Variants in NPAS2 observed in about 807,000 individuals in gnomAD.
NPAS2 encodes the protein neuronal PAS domain protein 2, also known as neuronal PAS domain-containing protein 2.
Under a neutral mutation model 107.5 loss-of-function variants are expected in NPAS2, and 23 were observed. That is an observed-to-expected ratio of 0.21 (90% confidence interval 0.15 to 0.30). NPAS2 has a LOEUF of 0.30. NPAS2 is among the 10% of genes least tolerant of loss of function. The pLI is 1.00. For missense variants in NPAS2, 756 were observed against 1,043.3 expected, an observed-to-expected ratio of 0.72 and a Z score of 3.79; for synonymous variants, 403 against 417.5, an observed-to-expected ratio of 0.97 and a Z score of 0.42.
In NPAS2 at chr2:100,951,633, T is replaced by C. The variant is rs186350518; in HGVS notation, c.598+2153T>C. Among the ~76,000 whole-genome samples the C allele has an allele frequency of 3.3e-4, 50 of 152,136 alleles. No individual in the cohort carries two copies. In the East Asian group the frequency reaches 3.3e-3, roughly 10 times the overall value. On this transcript the variant is annotated intron_variant, in intron 7 of 20. Transcript: ENST00000335681. ...CTTACATGAGGTACCATAGCCAAAT[T>C]CATAGAAACAGAAAGTAGAATGGTG...
upstream of NPAS2, among the ~76,000 whole-genome samples, chr2:100,818,978 G>GTT (rs1553437307): frequency 6.6e-6 from 1 of 152,140 alleles, no homozygotes; most frequent in Non-Finnish European, 1.5e-5. Flanking sequence ...CTCTGTCTTG[G>GTT]AGCCCCGAAG....
intron 5 of NPAS2, among the ~76,000 whole-genome samples, chr2:100,942,357 C>T (rs1038592929): frequency 3.9e-5 from 6 of 152,100 alleles, no homozygotes; most frequent in Non-Finnish European, 7.4e-5. Context: ...CAGGAAGCAT[C>T]CCTCTGCCCT....
intron 5 of NPAS2, among the ~76,000 whole-genome samples, chr2:100,944,141 A>C (rs1032367604): frequency 1.3e-5 from 2 of 152,154 alleles, no homozygotes; most frequent in Non-Finnish European, 2.9e-5. Context: ...ATATGCCTCC[A>C]ACTTCCTGGA....
In NPAS2 at chr2:100,990,378, T is replaced by C; in HGVS notation, c.1950T>C (p.Pro650=). The C allele has an allele frequency of 6.2e-7, 1 of 1,614,184 alleles. No individual in the cohort carries two copies. Among genetic ancestry groups the C allele is most frequent in the Non-Finnish European group, 8.5e-7 (1 of 1,180,020 alleles). Residue 650 remains proline (P), a synonymous_variant, in exon 18 of 21, where the codon CCT becomes CCC. Transcript: ENST00000335681. ...CGCCAAGTCTGAATCTGACCACACC[T>C]GCTTCCACCTCCCAGGATGCCAGCC... ...ALPPSLNLTT[P]ASTSQDASQC...
chr2:100,894,149 T>C (rs1186644843), intron 1 of NPAS2, among the ~76,000 whole-genome samples: 1 of 152,226 alleles, frequency 6.6e-6, no homozygotes, highest in Non-Finnish European at 1.5e-5. Flanking sequence ...TAGGTGGCTG[T>C]GAGAAAGAAT....
In NPAS2 at chr2:100,996,165, T is replaced by C; in HGVS notation, c.*583T>C. 1 of 248,690 alleles carries C rather than the reference T, an allele frequency of 4.0e-6. No homozygotes were observed. Among genetic ancestry groups the C allele is most frequent in the Non-Finnish European group, 7.7e-6 (1 of 129,942 alleles). The allele number at this position is 248,690 out of a possible 1,614,324, so 15.4% of individuals were successfully genotyped here. A position where few individuals can be genotyped will look rare whatever the true frequency, so the allele number is the denominator to read the frequency against. On this transcript the variant is annotated 3_prime_UTR_variant, in exon 21 of 21. Transcript: ENST00000335681. ...TCATGGCTTCATTTAGAGACCACAG[T>C]AACAACAGCAGCCCACCAATCAGAG...
At chr2:100,956,463 T>C (rs146189757) in intron 7 of NPAS2, among the ~76,000 whole-genome samples, 1 of 152,312 alleles carries the variant, frequency 6.6e-6, no homozygotes, top group East Asian at 1.9e-4. Flanking sequence ...GTGCATGTGG[T>C]ATTTTGTTTT....
intron 11 of NPAS2, among the ~76,000 whole-genome samples, chr2:100,969,337 C>T (rs900968525): frequency 2.6e-5 from 4 of 152,130 alleles, no homozygotes; most frequent in African/African-American, 9.7e-5. Context: ...TCCTAATGCT[C>T]TCCCTCCACT....
chr2:100,995,937 C>T lies in NPAS2; in HGVS notation c.*355C>T. ...GGTTGCTCTAGCCACCTGCGGCCCG[C>T]CCATCTGCGCTAGCTGGCCTTCACG... On this transcript the variant is annotated 3_prime_UTR_variant, in exon 21 of 21. Transcript: ENST00000335681. 2 of 1,385,394 alleles carry T rather than the reference C, an allele frequency of 1.4e-6. No individual in the cohort carries two copies. Among genetic ancestry groups the T allele is most frequent in the East Asian group, 3.8e-5 (1 of 26,354 alleles). 85.8% of individuals were successfully genotyped at this position (1,385,394 alleles called of 1,614,324 possible).
At chr2:100,918,610 C>G (rs1683032238) in intron 2 of NPAS2, among the ~76,000 whole-genome samples, 1 of 152,140 alleles carries the variant, frequency 6.6e-6, no homozygotes, top group African/African-American at 2.4e-5. Context: ...GATGCTTCCT[C>G]AAAGAGGGTC....
chr2:100,850,585 C>CGT (rs1172376351), intron 1 of NPAS2, among the ~76,000 whole-genome samples: 1 of 152,158 alleles, frequency 6.6e-6, no homozygotes, highest in Non-Finnish European at 1.5e-5. Context: ...GTAAGCAACC[C>CGT]GTGTGTCTGT....
chr2:100,903,043 TTTAG>T (rs1253092418), intron 1 of NPAS2, among the ~76,000 whole-genome samples: 1 of 152,218 alleles, frequency 6.6e-6, no homozygotes, highest in Non-Finnish European at 1.5e-5. Context: ...TTTTTAGATG[TTTAG>T]TTTATGACTC....
At chr2:100,885,963 C>G (rs1373292089) in intron 1 of NPAS2, among the ~76,000 whole-genome samples, 1 of 152,176 alleles carries the variant, frequency 6.6e-6, no homozygotes, top group East Asian at 1.9e-4. Flanking sequence ...ACCCGGCTAG[C>G]CAATTTATTT....
At chr2:100,852,026 G>A (rs1264619518) in intron 1 of NPAS2, among the ~76,000 whole-genome samples, 1 of 152,184 alleles carries the variant, frequency 6.6e-6, no homozygotes, top group Admixed American at 6.5e-5. Context: ...AAATCAGGCA[G>A]CTGGTGTTGT....
chr2:100,935,774 G>A (rs1684261992), intron 4 of NPAS2, among the ~76,000 whole-genome samples: 1 of 152,072 alleles, frequency 6.6e-6, no homozygotes, highest in Non-Finnish European at 1.5e-5. Context: ...ACCTCCTAGA[G>A]GGCTTCATAG....
At position 100,959,103 on chromosome 2, in the gene NPAS2, A is replaced by C. The variant is rs943418125; in HGVS notation, c.599-4955A>C. On this transcript the variant is annotated intron_variant, in intron 7 of 20. Coordinates refer to ENST00000335681, the MANE Select transcript of NPAS2 (RefSeq NM_002518.4). ...CCCCATCTCTTCAAAAAAAAAAAAA[A>C]AAAAAACAAAACTAAAATTAGCCAG... Among the ~76,000 whole-genome samples the C allele has an allele frequency of 8.1e-3, 540 of 66,956 alleles. 6 individuals carry two copies. Among genetic ancestry groups the C allele is most frequent in the African/African-American group, 0.023 (500 of 22,062 alleles). The allele number at this position is 66,956 out of a possible 152,430, so 43.9% of individuals were successfully genotyped here. A position where few individuals can be genotyped will look rare whatever the true frequency, so the allele number is the denominator to read the frequency against.
At chr2:100,845,116 T>C (rs1215891243) in intron 1 of NPAS2, among the ~76,000 whole-genome samples, 2 of 152,098 alleles carry the variant, frequency 1.3e-5, no homozygotes, top group African/African-American at 4.8e-5. Context: ...TAACTAGAAA[T>C]GGGGCCTCCT....
chr2:100,898,959 CTT>C (rs1681600644), intron 1 of NPAS2, among the ~76,000 whole-genome samples: 1 of 152,172 alleles, frequency 6.6e-6, no homozygotes, highest in African/African-American at 2.4e-5. Flanking sequence ...AAGAAGGACA[CTT>C]TATTTCCTGG....
At chr2:100,889,625 G>C (rs372461569) in intron 1 of NPAS2, among the ~76,000 whole-genome samples, 4 of 152,250 alleles carry the variant, frequency 2.6e-5, no homozygotes, top group South Asian at 4.2e-4. Flanking sequence ...GGCATGTCTA[G>C]GGTTGGTTCA....
Sources: gnomAD v4.1 joint callset for allele counts (sites outside exome capture counted in the v4.1 genomes callset) on GRCh38, gnomAD v4.1.1 for gene constraint, MANE v1.5 for transcripts, NCBI Gene and HGNC (gene_info 2026-07-23, HGNC 2026-07-21) for gene names.